B4GALT5: variants seen among roughly 807,000 people sequenced by gnomAD.
B4GALT5 encodes beta-1,4-galactosyltransferase 5.
In B4GALT5, 11 loss-of-function variants were observed where a neutral mutation model predicts 45.0. That is an observed-to-expected ratio of 0.24 (90% CI 0.15 to 0.40). B4GALT5 has a LOEUF of 0.40. Ranked by LOEUF, B4GALT5 falls within the 10% of genes least tolerant of loss-of-function variation. The pLI is 1.00. For synonymous variants in B4GALT5, 185 were observed against 182.9 expected (o/e 1.01, Z -0.09); for missense variants, 337 against 500.2 (o/e 0.67, Z 3.11).
chr20:49,706,412 T>TC (rs933443485), intron 1 of B4GALT5, among the ~76,000 whole-genome samples: 192 of 152,302 alleles, frequency 1.3e-3, no homozygotes, highest in African/African-American at 4.4e-3. Context: ...TTAATAATTC[T>TC]CAACTTTGGG....
intron 1 of B4GALT5, among the ~76,000 whole-genome samples, chr20:49,713,157 G>C (rs558102988): frequency 1.3e-4 from 19 of 151,804 alleles, no homozygotes; most frequent in South Asian, 6.2e-4. Context: ...GGCGCGCCGC[G>C]GGGGACTGGG....
rs1268891934 is a variant in B4GALT5, at chr20:49,636,375, G to A, written c.1104C>T (p.Asp368=). The part of the protein sequence containing the change: ...NLNYFANITY[D]ALYKNITVNL... Reference sequence around the variant, plus strand: ...TGACAGTTATGTTTTTATACAAGGCGTCGTATGTGATGTTTGCAAAGTAGT... The same window carrying A: ...TGACAGTTATGTTTTTATACAAGGCATCGTATGTGATGTTTGCAAAGTAGT... The change falls in exon 9 of 9, where the codon GAC becomes GAT. Residue 368 remains aspartate, a synonymous_variant. Transcript: ENST00000371711. 3.7e-6 allele frequency: 6 copies of A among 1,614,082 alleles called. No individual in the cohort carries two copies. The highest frequency in any genetic ancestry group is 5.1e-6 in the Non-Finnish European group (6 of 1,179,996).
At chr20:49,687,928 G>A (rs1393567800) in intron 1 of B4GALT5, among the ~76,000 whole-genome samples, 2 of 151,876 alleles carry the variant, frequency 1.3e-5, no homozygotes, top group Admixed American at 1.3e-4. Context: ...TTGGAGAACT[G>A]TGGAAGCTAC....
intron 2 of B4GALT5, among the ~76,000 whole-genome samples, chr20:49,654,616 A>G (rs1489290833): frequency 6.6e-6 from 1 of 152,200 alleles, no homozygotes; most frequent in African/African-American, 2.4e-5. Flanking sequence ...CTTTTAAGAG[A>G]GGCAATGTTT....
intron 1 of B4GALT5, among the ~76,000 whole-genome samples, chr20:49,664,469 C>CACA (rs1555812183): frequency 6.8e-6 from 1 of 147,528 alleles, no homozygotes; most frequent in Non-Finnish European, 1.5e-5. Context: ...CACACACACA[C>CACA]ACTTTAGATT....
intron 1 of B4GALT5, among the ~76,000 whole-genome samples, chr20:49,661,496 A>G (rs1254186776): frequency 1.3e-5 from 2 of 152,116 alleles, no homozygotes; most frequent in Non-Finnish European, 2.9e-5. Flanking sequence ...TGGCCTCCCA[A>G]AGTGTTGGGA....
At chr20:49,680,653 A>T (rs2085760102) in intron 1 of B4GALT5, among the ~76,000 whole-genome samples, 1 of 152,186 alleles carries the variant, frequency 6.6e-6, no homozygotes, top group Non-Finnish European at 1.5e-5. Context: ...GAAGGGGACT[A>T]ATTTTTAATA....
At chr20:49,707,797 A>G (rs1030490130) in intron 1 of B4GALT5, among the ~76,000 whole-genome samples, 1 of 151,960 alleles carries the variant, frequency 6.6e-6, no homozygotes, top group African/African-American at 2.4e-5. Context: ...TATTTTTAGT[A>G]GAGACGAGGT....
chr20:49,701,337 A>G (rs2085860698), intron 1 of B4GALT5, among the ~76,000 whole-genome samples: 1 of 152,174 alleles, frequency 6.6e-6, no homozygotes, highest in South Asian at 2.1e-4. Flanking sequence ...TTCAGCTGAT[A>G]TCAGAAAAAA....
chr20:49,688,345 G>A (rs929342957), intron 1 of B4GALT5, among the ~76,000 whole-genome samples: 17 of 152,180 alleles, frequency 1.1e-4, no homozygotes, highest in Admixed American at 1.0e-3. Context: ...CACACCGTGG[G>A]GGACAAAGAT....
In B4GALT5 at chr20:49,634,310, A is replaced by G. The variant is rs901259089; in HGVS notation, c.*2002T>C. 2.0e-5 allele frequency: 3 copies of G among 152,526 alleles called. No individual in the cohort carries two copies. Among genetic ancestry groups the G allele is most frequent in the African/African-American group, 4.8e-5 (2 of 41,384 alleles). 9.4% of individuals were successfully genotyped at this position (152,526 alleles called of 1,614,324 possible). A position where few individuals can be genotyped will look rare whatever the true frequency, so the allele number is the denominator to read the frequency against. ...AAAGCCCTAACCCACACACATACAC[A>G]CACACACCCCTACACACACCCATGT... On this transcript the variant is annotated 3_prime_UTR_variant, in exon 9 of 9. Coordinates refer to ENST00000371711, the MANE Select transcript of B4GALT5 (RefSeq NM_004776.4).
chr20:49,698,775 C>A (rs904810628), intron 1 of B4GALT5, among the ~76,000 whole-genome samples: 3 of 152,130 alleles, frequency 2.0e-5, no homozygotes, highest in African/African-American at 7.2e-5. Flanking sequence ...GAGGAAGGCA[C>A]GGGTAGTAGC....
intron 1 of B4GALT5, among the ~76,000 whole-genome samples, chr20:49,703,681 G>A (rs866486341): frequency 1.3e-3 from 201 of 151,610 alleles, no homozygotes; most frequent in African/African-American, 4.7e-3. Flanking sequence ...CTGAGGTCAG[G>A]AGTTCGAGAC....
intron 8 of B4GALT5, among the ~76,000 whole-genome samples, chr20:49,636,907 G>GACACACACACACACAC (rs5841760): frequency 0.012 from 1,814 of 146,466 alleles, 20 homozygotes; most frequent in Non-Finnish European, 0.019. Context: ...ATTTAGAAAA[G>GACACACACACACACAC]ACACACACAC....
chr20:49,681,442 C>T (rs1202487678), intron 1 of B4GALT5, among the ~76,000 whole-genome samples: 1 of 146,830 alleles, frequency 6.8e-6, no homozygotes, highest in Admixed American at 6.9e-5. Flanking sequence ...AGACCCTGGA[C>T]TTCTCGATCT....
rs114187855 is a variant in B4GALT5, at chr20:49,636,112, T to C, written c.*200A>G. On this transcript the variant is annotated 3_prime_UTR_variant, in exon 9 of 9. Coordinates refer to ENST00000371711, the MANE Select transcript of B4GALT5 (RefSeq NM_004776.4). ...GTGCTGACGAAGGAAGTCCCCAAGC[T>C]CACTCCCTCAGTTCCAGCGGCTGAT... 1.2e-4 allele frequency: 76 copies of C among 644,048 alleles called. No individual in the cohort carries two copies. The African/African-American group carries it at 1.4e-3, about 12-fold the overall frequency. The allele number at this position is 644,048 out of a possible 1,614,324, so 39.9% of individuals were successfully genotyped here.
chr20:49,636,238 C>T lies in B4GALT5; in HGVS notation c.*74G>A, dbSNP rs1415656243. ...CTGTTCTCTTGCTGTGTAGACCCTC[C>T]CCCCTCCAAAAAAAAATCTCATCGG... On this transcript the variant is annotated 3_prime_UTR_variant, in exon 9 of 9. Coordinates refer to ENST00000371711, the MANE Select transcript of B4GALT5 (RefSeq NM_004776.4). The T allele has an allele frequency of 1.9e-6, 3 of 1,554,312 alleles. No homozygotes were observed. Among genetic ancestry groups the T allele is most frequent in the Admixed American group, 3.5e-5 (2 of 56,982 alleles).
intron 1 of B4GALT5, among the ~76,000 whole-genome samples, chr20:49,690,439 C>T (rs1393226663): frequency 1.3e-5 from 2 of 151,740 alleles, no homozygotes; most frequent in Admixed American, 1.3e-4. Flanking sequence ...ATCCCAGCTA[C>T]TCGGGAGGCT....
At chr20:49,684,249 T>C (rs914076542) in intron 1 of B4GALT5, among the ~76,000 whole-genome samples, 2 of 151,534 alleles carry the variant, frequency 1.3e-5, no homozygotes, top group African/African-American at 2.4e-5. Flanking sequence ...AATGTGTTCA[T>C]TCAGAATTTA....
Sources: gnomAD v4.1 joint callset for allele counts (sites outside exome capture counted in the v4.1 genomes callset) on GRCh38, gnomAD v4.1.1 for gene constraint, MANE v1.5 for transcripts, NCBI Gene and HGNC (gene_info 2026-07-23, HGNC 2026-07-21) for gene names.